Variants in DAGLA observed in about 807,000 individuals in gnomAD.
The protein encoded by DAGLA is diacylglycerol lipase alpha.
DAGLA carries 22 observed loss-of-function variants against 102.6 expected under a neutral mutation model. The ratio of observed to expected loss-of-function variants is 0.21; its 90% CI spans 0.15 to 0.31. The LOEUF is 0.31. DAGLA is among the 10% of genes least tolerant of loss of function. DAGLA has a pLI of 1.00. For synonymous variants in DAGLA, 578 were observed against 628.9 expected, an observed-to-expected ratio of 0.92 and a Z score of 1.21; for missense variants, 927 against 1,446.6, an observed-to-expected ratio of 0.64 and a Z score of 5.83.
At chr11:61,696,447 C>T (rs1342323051) in intron 1 of DAGLA, among the ~76,000 whole-genome samples, 1 of 152,224 alleles carries the variant, frequency 6.6e-6, no homozygotes, top group Non-Finnish European at 1.5e-5. Flanking sequence ...AGCAGTGGGG[C>T]CGGGGCGCTC....
At chr11:61,689,989 C>A (rs925032404) in intron 1 of DAGLA, among the ~76,000 whole-genome samples, 5 of 152,126 alleles carry the variant, frequency 3.3e-5, no homozygotes, top group African/African-American at 1.2e-4. Flanking sequence ...CCATGCCATC[C>A]TCTCTGGTCT....
chr11:61,739,536 C>T lies in DAGLA; in HGVS notation c.1728C>T (p.Thr576=). The change falls in exon 17 of 20, where the codon ACC becomes ACT. Residue 576 remains threonine, a synonymous_variant. Transcript: ENST00000257215. ...SELPEEVEVT[T]LASTRLWTHP... The stretch of plus-strand genomic sequence containing the variant: ...TGCCTGAGGAGGTAGAGGTGACCAC[C>T]CTGGCCAGCACGCGGCTCTGGACCC... 1 of 1,614,138 alleles carries T rather than the reference C, an allele frequency of 6.2e-7. No homozygotes were observed. Among genetic ancestry groups the T allele is most frequent in the Non-Finnish European group, 8.5e-7 (1 of 1,180,034 alleles).
Position 61,739,468 on chromosome 11 carries a change from C to T in DAGLA, c.1660C>T (p.Arg554Trp). ...TCTCCCACTCCACCCCGCGCAGTGG[C>T]GGATCATCGTGGGGGCCACCAAATG... The part of the protein sequence containing the change: ...VLQRSTKPKW[R>W]IIVGATKCIP... Residue 554 changes from arginine (R) to tryptophan (W), a missense_variant, in exon 17 of 20, where the codon CGG becomes TGG. Around this residue, in one of 4 missense-constraint regions of DAGLA, gnomAD observed 218 missense variants for 459.6 expected, o/e 0.47. Transcript: ENST00000257215. 5.6e-6 allele frequency: 9 copies of T among 1,613,272 alleles called. No homozygotes were observed. Among genetic ancestry groups the T allele is most frequent in the Non-Finnish European group, 7.6e-6 (9 of 1,179,896 alleles).
intron 1 of DAGLA, among the ~76,000 whole-genome samples, chr11:61,703,256 G>A (rs923327591): frequency 2.0e-5 from 3 of 152,228 alleles, no homozygotes; most frequent in African/African-American, 4.8e-5. Flanking sequence ...CCACACCCTG[G>A]TGGAGGGAGC....
At chr11:61,696,733 C>T (rs893572788) in intron 1 of DAGLA, among the ~76,000 whole-genome samples, 1 of 152,130 alleles carries the variant, frequency 6.6e-6, no homozygotes, top group African/African-American at 2.4e-5. Flanking sequence ...ATCTTTGGGC[C>T]ATCCCAGCCT....
intron 13 of DAGLA, among the ~76,000 whole-genome samples, chr11:61,736,563 C>T (rs987928288): frequency 2.0e-5 from 3 of 152,216 alleles, no homozygotes; most frequent in African/African-American, 7.2e-5. Flanking sequence ...TCATTGGGCA[C>T]CTGATTCATG....
At chr11:61,694,249 T>C (rs1442550522) in intron 1 of DAGLA, among the ~76,000 whole-genome samples, 1 of 152,232 alleles carries the variant, frequency 6.6e-6, no homozygotes, top group South Asian at 2.1e-4. Flanking sequence ...ATGTCTTCAG[T>C]CCTGCTTCCT....
intron 1 of DAGLA, among the ~76,000 whole-genome samples, chr11:61,714,556 C>T (rs1047742357): frequency 6.6e-6 from 1 of 152,208 alleles, no homozygotes; most frequent in Admixed American, 6.5e-5. Context: ...AGCCCAGGCT[C>T]CCTGTGGTGA....
chr11:61,685,048 A>G (rs1315319021), intron 1 of DAGLA, among the ~76,000 whole-genome samples: 2 of 151,952 alleles, frequency 1.3e-5, no homozygotes, highest in African/African-American at 4.8e-5. Context: ...GCCTGCTTCC[A>G]TGCTCCTCCT....
At chr11:61,711,082 C>T (rs1172137689) in intron 1 of DAGLA, among the ~76,000 whole-genome samples, 3 of 152,256 alleles carry the variant, frequency 2.0e-5, no homozygotes, top group Admixed American at 6.5e-5. Context: ...GTCGCGTTCC[C>T]GGGAGAGTGG....
rs927708983 is a variant in DAGLA, at chr11:61,682,584, C to T, written c.-45+2080C>T. Among the ~76,000 whole-genome samples, 9 of 152,162 alleles carry T rather than the reference C, an allele frequency of 5.9e-5. No homozygotes were observed. In the East Asian group the frequency reaches 1.3e-3, roughly 23 times the overall value. ...GGAAGCACTTTGCTTGGGCAGCAGA[C>T]GTGCCTCATTGCCAGGGTAGGTCTG... On this transcript the variant is annotated intron_variant, in intron 1 of 19. Coordinates refer to ENST00000257215, the MANE Select transcript of DAGLA (RefSeq NM_006133.3).
intron 3 of DAGLA, 65 bp from the exon 4 acceptor site, chr11:61,722,794 G>A: frequency 7.1e-7 from 1 of 1,413,824 alleles, no homozygotes; most frequent in Non-Finnish European, 1.0e-6. Flanking sequence ...CCAGGCCGGG[G>A]TTCTAGGCCC....
chr11:61,681,365 C>G (rs921864795), intron 1 of DAGLA, among the ~76,000 whole-genome samples: 8 of 152,124 alleles, frequency 5.3e-5, no homozygotes, highest in Non-Finnish European at 1.2e-4. Flanking sequence ...TTGTCCTGGG[C>G]TAAGGTAGAG....
chr11:61,740,647 A>G, intron 18 of DAGLA, 55 bp downstream of exon 18: 1 of 1,595,108 alleles, frequency 6.3e-7, no homozygotes, highest in South Asian at 1.1e-5. Context: ...TCACCCCATC[A>G]GAACCCCGTA....
In DAGLA at chr11:61,680,462, G is replaced by C. The variant is rs924075538; in HGVS notation, c.-87G>C. The C allele has an allele frequency of 4.6e-5, 7 of 152,080 alleles. No individual in the cohort carries two copies. In the Admixed American group the frequency reaches 4.6e-4, roughly 10 times the overall value. The allele number at this position is 152,080 out of a possible 1,614,324, so 9.4% of individuals were successfully genotyped here. On this transcript the variant is annotated 5_prime_UTR_variant, in exon 1 of 20. Coordinates refer to ENST00000257215, the MANE Select transcript of DAGLA (RefSeq NM_006133.3). Reference sequence around the variant, plus strand: ...GGGCCTTGGGGAGCCCAGGATGGAGGTGGCGGTCGCGGCGGCGGGCCGAGC... The same window carrying C: ...GGGCCTTGGGGAGCCCAGGATGGAGCTGGCGGTCGCGGCGGCGGGCCGAGC...
intron 8 of DAGLA, among the ~76,000 whole-genome samples, chr11:61,729,657 T>C (rs1251990442): frequency 6.6e-6 from 1 of 152,178 alleles, no homozygotes; most frequent in East Asian, 1.9e-4. Flanking sequence ...ATCTGTGAAA[T>C]GACACTAGGC....
intron 1 of DAGLA, among the ~76,000 whole-genome samples, chr11:61,699,168 G>A (rs550231350): frequency 6.6e-6 from 1 of 152,166 alleles, no homozygotes; most frequent in Admixed American, 6.5e-5. Context: ...GGGGAATTCT[G>A]CCCTGAGTTT....
chr11:61,743,673 G>C lies in DAGLA; in HGVS notation c.2313G>C (p.Gln771His). Reference protein sequence around the residue: ...STQERLAAELQARRAPLATME... With the variant: ...STQERLAAELHARRAPLATME... ...AGGAGCGGCTGGCGGCGGAGCTGCA[G>C]GCCCGGCGGGCACCACTGGCCACCA... Residue 771 changes from glutamine (Q) to histidine (H), a missense_variant, in exon 20 of 20, where the codon CAG becomes CAC. Transcript: ENST00000257215. The C allele has an allele frequency of 6.2e-7, 1 of 1,600,500 alleles. No individual in the cohort carries two copies. The highest frequency in any genetic ancestry group is 8.5e-7 in the Non-Finnish European group (1 of 1,176,266).
Position 61,680,733 on chromosome 11 carries a change from C to T in DAGLA, c.-45+229C>T, listed in dbSNP as rs140729333. ...GGGCGTGGGCAACGTGGGTCCGGCA[C>T]AGGCGGCGTGGTTTTCCTGGAACGG... is the stretch of plus-strand genomic sequence containing the variant. On this transcript the variant is annotated intron_variant, in intron 1 of 19. Transcript: ENST00000257215. 4.6e-3 allele frequency among the ~76,000 whole-genome samples: 693 copies of T among 152,098 alleles called. 4 individuals are homozygous for T. Among genetic ancestry groups the T allele is most frequent in the Middle Eastern group, 0.014 (4 of 294 alleles).
Sources: gnomAD v4.1 joint callset for allele counts (sites outside exome capture counted in the v4.1 genomes callset) on GRCh38, gnomAD v4.1.1 for gene constraint, gnomAD v4.1.1 regional missense constraint, MANE v1.5 for transcripts, NCBI Gene and HGNC (gene_info 2026-07-23, HGNC 2026-07-21) for gene names.